The following SNRNP70 variants were observed in gnomAD, a reference collection of about 807,000 sequenced individuals.
The protein encoded by SNRNP70 is U1 small nuclear ribonucleoprotein 70 kDa.
In SNRNP70, 8 loss-of-function variants were observed where a neutral mutation model predicts 50.5. The ratio of observed to expected loss-of-function variants is 0.16; its 90% CI spans 0.09 to 0.29. The LOEUF is 0.29. SNRNP70 is among the 10% of genes least tolerant of loss of function. The pLI is 1.00. For synonymous variants in SNRNP70, 320 were observed against 252.9 expected (o/e 1.27, Z -2.52); for missense variants, 529 against 663.5 (o/e 0.80, Z 2.23).
In SNRNP70 at chr19:49,108,109, CTGA is replaced by C. The variant is rs2040702526; in HGVS notation, c.986_988del (p.Asp329del). 6.5e-7 allele frequency: 1 copy of C among 1,550,054 alleles called. No homozygotes were observed. The highest frequency in any genetic ancestry group is 1.2e-5 in the South Asian group (1 of 83,430). On this transcript the variant is annotated inframe_deletion, in exon 10 of 10. Coordinates refer to ENST00000598441, the MANE Select transcript of SNRNP70 (RefSeq NM_003089.6). Reference sequence around the variant, plus strand: ...CCCTCCGAGGCGGGTGACGCGCCCCCTGATGATGGGCCTCCAGGGGAGCTCGGG... The same window carrying C: ...CCCTCCGAGGCGGGTGACGCGCCCCCTGATGGGCCTCCAGGGGAGCTCGGG...
In SNRNP70 at chr19:49,101,901, C is replaced by T. The variant is rs1008669632; in HGVS notation, c.475+430C>T. On this transcript the variant is annotated intron_variant, in intron 7 of 9. Transcript: ENST00000598441. ...CCAGTAGAACTGGGGCTGGGCCACCCGACCCTCCGCTTCCCCAACCCTGGC... is the reference window on the plus strand; with the variant it reads ...CCAGTAGAACTGGGGCTGGGCCACCTGACCCTCCGCTTCCCCAACCCTGGC... 4.6e-5 allele frequency among the ~76,000 whole-genome samples: 7 copies of T among 152,094 alleles called. No individual in the cohort carries two copies. In the South Asian group the frequency reaches 6.2e-4, roughly 14 times the overall value.
rs368131766 is a variant in SNRNP70 at position 49,108,392 on chromosome 19, C to G, written c.1263C>G (p.Asp421Glu). Residue 421 changes from aspartate to glutamate, a missense_variant, in exon 10 of 10, where the codon GAC becomes GAG. Physicochemically the swap from Asp to Glu is conservative, Grantham distance 45 (BLOSUM62 2). Around this residue, in one of 4 missense-constraint regions of SNRNP70, gnomAD observed 327 missense variants for 308.8 expected, o/e 1.06. Transcript: ENST00000598441. ...TGTACATGGAGTCTGAGGGCGGCGACGGCTACCTGGCTCCGGAGAATGGGT... is the reference window on the plus strand; with the variant it reads ...TGTACATGGAGTCTGAGGGCGGCGAGGGCTACCTGGCTCCGGAGAATGGGT... ...RDMYMESEGG[D>E]GYLAPENGYL... 1.9e-6 allele frequency: 3 copies of G among 1,611,284 alleles called. No homozygotes were observed. In the Admixed American group the frequency reaches 5.0e-5, roughly 27 times the overall value.
At chr19:49,093,340 T>C (rs1366374211) in intron 4 of SNRNP70, among the ~76,000 whole-genome samples, 1 of 151,480 alleles carries the variant, frequency 6.6e-6, no homozygotes. Flanking sequence ...CCCGCCTCGG[T>C]CTCCCAAAGT....
chr19:49,099,670 C>T (rs931720443), intron 6 of SNRNP70, among the ~76,000 whole-genome samples: 5 of 146,664 alleles, frequency 3.4e-5, no homozygotes, highest in Non-Finnish European at 6.0e-5. Context: ...ACCCAGGAGG[C>T]GGAGGTTGCA....
chr19:49,086,639 C>A, intron 2 of SNRNP70, 78 bp downstream of exon 2: 1 of 1,371,480 alleles, frequency 7.3e-7, no homozygotes, highest in South Asian at 1.2e-5. Flanking sequence ...AGCTTCTGGC[C>A]ATTTTGCCAG....
intron 6 of SNRNP70, 40 bp downstream of exon 6, chr19:49,098,744 T>C: frequency 6.6e-7 from 1 of 1,518,168 alleles, no homozygotes; most frequent in Non-Finnish European, 9.2e-7. Flanking sequence ...TGGGGGTGCA[T>C]GGAGGAGGGG....
rs1215381868 is a variant in SNRNP70 at position 49,108,132 on chromosome 19, C to G, written c.1003C>G (p.Leu335Val). ...CCCTGATGATGGGCCTCCAGGGGAG[C>G]TCGGGCCTGACGGCCCTGACGGTCC... is the stretch of plus-strand genomic sequence containing the variant. ...APPDDGPPGELGPDGPDGPEE... is the reference protein window; with the variant it reads ...APPDDGPPGEVGPDGPDGPEE... Residue 335 changes from leucine to valine, a missense_variant, in exon 10 of 10, where the codon CTC becomes GTC. Physicochemically the swap from Leu to Val is conservative, Grantham distance 32. This residue lies in a region of SNRNP70 where 327 missense variants were observed against 308.8 expected (regional missense o/e 1.06). Coordinates refer to ENST00000598441, the MANE Select transcript of SNRNP70 (RefSeq NM_003089.6). 4 of 1,544,974 alleles carry G rather than the reference C, an allele frequency of 2.6e-6. No individual in the cohort carries two copies. Among genetic ancestry groups the G allele is most frequent in the East Asian group, 2.4e-5 (1 of 42,196 alleles).
rs770353935 is a variant in SNRNP70 at position 49,107,840 on chromosome 19, T to G, written c.711T>G (p.Arg237=). ...PLPHRDRDRD[R]ERERRERSRE... ...CGCACAGGGACCGGGACCGGGACCGTGAGCGGGAGCGCAGAGAGCGGAGCC... is the reference window on the plus strand; with the variant it reads ...CGCACAGGGACCGGGACCGGGACCGGGAGCGGGAGCGCAGAGAGCGGAGCC... Residue 237 remains arginine, a synonymous_variant, in exon 10 of 10, where the codon CGT becomes CGG. Transcript: ENST00000598441. This position sits in a 1 kb window ranked among gnomAD's most constrained non-coding sequence, Gnocchi z 6.0. 15 of 1,573,906 alleles carry G rather than the reference T, an allele frequency of 9.5e-6. No individual in the cohort carries two copies. In the South Asian group the frequency reaches 1.6e-4, roughly 17 times the overall value.
In SNRNP70 at chr19:49,107,777, T is replaced by TCTG. The variant is rs780128293; in HGVS notation, c.666-16_666-14dup. 5.8e-5 allele frequency: 93 copies of TCTG among 1,610,742 alleles called. No individual in the cohort carries two copies. Among genetic ancestry groups the TCTG allele is most frequent in the Non-Finnish European group, 7.7e-5 (91 of 1,179,058 alleles). ...CACGGGGGGAGCCCAGCCACACAGG[T>TCTG]CTGCCCACCTCATCCAGGCCCGGCC... is the stretch of plus-strand genomic sequence containing the variant. On this transcript the variant is annotated splice_polypyrimidine_tract_variant and intron_variant, in intron 9 of 9. Coordinates refer to ENST00000598441, the MANE Select transcript of SNRNP70 (RefSeq NM_003089.6). The surrounding 1 kb of genome is among the most constrained non-coding windows in gnomAD (Gnocchi z 6.0).
chr19:49,088,258 A>G (rs2040406821), intron 2 of SNRNP70, among the ~76,000 whole-genome samples: 2 of 133,466 alleles, frequency 1.5e-5, no homozygotes, highest in South Asian at 4.7e-4. Context: ...GCTGGAGTGC[A>G]GTGGCGTGAT....
intron 1 of SNRNP70, 68 bp downstream of exon 1, chr19:49,085,704 C>T (rs956453008): frequency 1.6e-4 from 71 of 452,276 alleles, no homozygotes; most frequent in Middle Eastern, 3.8e-4. Context: ...AGCGGTGGGC[C>T]CGGTCCTCTT....
intron 2 of SNRNP70, among the ~76,000 whole-genome samples, chr19:49,088,496 AC>A (rs2040410567): frequency 1.5e-5 from 1 of 64,876 alleles, no homozygotes; most frequent in South Asian, 5.7e-4. Flanking sequence ...ACCGCACCCG[AC>A]CTTTTTTTTT....
chr19:49,094,752 C>T (rs926401539), intron 4 of SNRNP70, among the ~76,000 whole-genome samples: 2 of 152,200 alleles, frequency 1.3e-5, no homozygotes, highest in Admixed American at 6.5e-5. Flanking sequence ...GGGGACGGTG[C>T]CTCCTTGCTG....
At chr19:49,096,982 T>G (rs2040521548) in intron 4 of SNRNP70, among the ~76,000 whole-genome samples, 1 of 151,910 alleles carries the variant, frequency 6.6e-6, no homozygotes, top group Non-Finnish European at 1.5e-5. Context: ...ATACAAAAAT[T>G]AGCTGGATGT....
intron 7 of SNRNP70, chr19:49,102,205 T>C: frequency 7.8e-7 from 1 of 1,287,554 alleles, no homozygotes; most frequent in Non-Finnish European, 1.0e-6. Context: ...ATGGGTAAGA[T>C]CACTCAGCAC....
rs754564711 is a variant in SNRNP70 at position 49,107,710 on chromosome 19, G to C, written c.663G>C (p.Glu221Asp). The change falls in exon 9 of 10, where the codon GAG becomes GAC. Residue 221 changes from glutamate to aspartate, a missense_variant and splice_region_variant. By Grantham distance (45) the Glu-to-Asp change is conservative. Around this residue, in one of 4 missense-constraint regions of SNRNP70, gnomAD observed 53 missense variants for 78.6 expected, o/e 0.67. Coordinates refer to ENST00000598441, the MANE Select transcript of SNRNP70 (RefSeq NM_003089.6). This position sits in a 1 kb window ranked among gnomAD's most constrained non-coding sequence, Gnocchi z 6.0. ...SGRDDTSRYDERPGPSPLPHR... is the reference protein window; with the variant it reads ...SGRDDTSRYDDRPGPSPLPHR... ...GCGATGACACCTCCCGCTACGATGA[G>C]AGGTAAGATTGGGCGACCGGTGTCC... The C allele has an allele frequency of 1.9e-6, 3 of 1,613,970 alleles. No homozygotes were observed. The highest frequency in any genetic ancestry group is 2.5e-6 in the Non-Finnish European group (3 of 1,180,010).
At chr19:49,101,369 C>G in intron 6 of SNRNP70, 21 bp from the exon 7 acceptor site, 1 of 1,604,192 alleles carries the variant, frequency 6.2e-7, no homozygotes, top group South Asian at 1.1e-5. Flanking sequence ...GGACTCACCC[C>G]TGTCCCCATG....
intron 7 of SNRNP70, among the ~76,000 whole-genome samples, chr19:49,101,921 C>T (rs553809708): frequency 6.6e-6 from 1 of 151,720 alleles, no homozygotes; most frequent in African/African-American, 2.4e-5. Context: ...CTTCCCCAAC[C>T]CTGGCCCCCC....
chr19:49,099,122 A>C lies in SNRNP70; in HGVS notation c.393+418A>C, dbSNP rs111771011. 1.3e-3 allele frequency among the ~76,000 whole-genome samples: 201 copies of C among 152,244 alleles called. 3 individuals are homozygous for C. The highest frequency in any genetic ancestry group is 4.5e-3 in the African/African-American group (187 of 41,536). On this transcript the variant is annotated intron_variant, in intron 6 of 9. Coordinates refer to ENST00000598441, the MANE Select transcript of SNRNP70 (RefSeq NM_003089.6). Reference sequence around the variant, plus strand: ...TTTTAGAGGAAGGCTTTGTTTTACCAATCTTCTTTTAAGTCACTGAAGTGC... The same window carrying C: ...TTTTAGAGGAAGGCTTTGTTTTACCCATCTTCTTTTAAGTCACTGAAGTGC...
Sources: allele counts gnomAD v4.1 joint callset (sites outside exome capture counted in the v4.1 genomes callset), GRCh38; gene constraint gnomAD v4.1.1; regional missense constraint gnomAD v4.1.1; non-coding constraint Gnocchi (gnomAD v3.1); transcripts MANE v1.5; gene names NCBI Gene and HGNC (gene_info 2026-07-23, HGNC 2026-07-21).